ADGRD1: variants seen among roughly 807,000 people sequenced by gnomAD.
The protein encoded by ADGRD1 is G-protein coupled receptor 133.
ADGRD1 carries 77 observed loss-of-function variants against 113.4 expected under a neutral mutation model. The observed-to-expected ratio is 0.68, with a 90% CI of 0.57 to 0.82. The LOEUF is 0.82. ADGRD1 is among the 40% of genes least tolerant of loss of function. The pLI is 0.00. For missense variants in ADGRD1, 1,036 were observed against 1,139.1 expected (o/e 0.91, Z 1.30); for synonymous variants, 474 against 475.0 (o/e 1.00, Z 0.03).
chr12:131,068,228 C>T (rs1325291508), intron 13 of ADGRD1, among the ~76,000 whole-genome samples: 3 of 152,200 alleles, frequency 2.0e-5, no homozygotes, highest in African/African-American at 7.2e-5. Context: ...CTGCACACCT[C>T]AGCCTGCTCT....
intron 12 of ADGRD1, among the ~76,000 whole-genome samples, chr12:131,009,600 C>G (rs529250793): frequency 1.3e-5 from 2 of 152,134 alleles, no homozygotes; most frequent in Non-Finnish European, 2.9e-5. Context: ...TGCAACACAC[C>G]GCTAGTGCTT....
chr12:131,006,378 CTG>C (rs1219409160), intron 12 of ADGRD1, among the ~76,000 whole-genome samples: 2 of 152,246 alleles, frequency 1.3e-5, no homozygotes, highest in Non-Finnish European at 2.9e-5. Flanking sequence ...ACAGACCTGT[CTG>C]TGTCAGTCAT....
Position 130,985,896 on chromosome 12 carries a change from G to A in ADGRD1, c.491-1199G>A, listed in dbSNP as rs191343081. 1.8e-4 allele frequency among the ~76,000 whole-genome samples: 27 copies of A among 151,946 alleles called. No homozygotes were observed. The East Asian group carries it at 5.3e-3, about 30-fold the overall frequency. On this transcript the variant is annotated intron_variant, in intron 5 of 24. Coordinates refer to ENST00000261654, the MANE Select transcript of ADGRD1 (RefSeq NM_198827.5). The stretch of plus-strand genomic sequence containing the variant: ...GGAACGTGGATATTCAGTTGTTGCA[G>A]CACCATTTGTTGCAACAAATGGTTC...
At chr12:131,086,723 G>A (rs1413043649) in intron 15 of ADGRD1, among the ~76,000 whole-genome samples, 2 of 152,208 alleles carry the variant, frequency 1.3e-5, no homozygotes, top group African/African-American at 4.8e-5. Flanking sequence ...ACTGGCCGAC[G>A]GGCAGCTGCT....
intron 14 of ADGRD1, among the ~76,000 whole-genome samples, chr12:131,083,921 G>C (rs746774675): frequency 6.6e-6 from 1 of 152,210 alleles, no homozygotes; most frequent in South Asian, 2.1e-4. Context: ...CTCTGTGCCG[G>C]TCATAGCTGT....
intron 8 of ADGRD1, among the ~76,000 whole-genome samples, chr12:130,998,854 T>C (rs1351162713): frequency 1.3e-5 from 2 of 152,204 alleles, no homozygotes; most frequent in Admixed American, 1.3e-4. Context: ...TCCTGTACTG[T>C]ACCGTGAGGC....
intron 13 of ADGRD1, among the ~76,000 whole-genome samples, chr12:131,020,531 G>A (rs1424810753): frequency 2.6e-5 from 4 of 152,246 alleles, no homozygotes; most frequent in Non-Finnish European, 5.9e-5. Context: ...CGGAGGCACT[G>A]TTGGCAAAAG....
intron 13 of ADGRD1, among the ~76,000 whole-genome samples, chr12:131,051,059 C>A (rs1593124600): frequency 6.6e-6 from 1 of 152,236 alleles, no homozygotes; most frequent in Non-Finnish European, 1.5e-5. Context: ...GATCCAGTCA[C>A]CTCCCAGCAG....
intron 11 of ADGRD1, among the ~76,000 whole-genome samples, chr12:131,005,710 G>C (rs1339050299): frequency 6.6e-6 from 1 of 152,156 alleles, no homozygotes; most frequent in Non-Finnish European, 1.5e-5. Context: ...CCCTGGGTGA[G>C]CCTGGCCCTC....
Position 131,000,365 on chromosome 12 carries a change from C to A in ADGRD1, c.967-18C>A. The stretch of plus-strand genomic sequence containing the variant: ...CCTAAGGACAGGTGCTGAGCAGTGT[C>A]ATTTTGTCCACCTTTAGACCTTCTT... On this transcript the variant is annotated intron_variant, in intron 8 of 24. Transcript: ENST00000261654. 6.2e-7 allele frequency: 1 copy of A among 1,608,286 alleles called. No homozygotes were observed. The highest frequency in any genetic ancestry group is 8.5e-7 in the Non-Finnish European group (1 of 1,174,904).
In ADGRD1 at chr12:131,105,834, T is replaced by A; in HGVS notation, c.1856T>A (p.Leu619Gln). ...SFAVLVAQVL[L>Q]LISFRLEPGT... ...GCCGTGCTGGTGGCCCAGGTCCTGC[T>A]GCTCATTAGTTTCCGCCTCGAGCCG... The change falls in exon 17 of 25, where the codon CTG (leucine) becomes CAG (glutamine). Residue 619 changes from leucine to glutamine, a missense_variant. Physicochemically the swap from Leu to Gln is moderately radical, Grantham distance 113. Coordinates refer to ENST00000261654, the MANE Select transcript of ADGRD1 (RefSeq NM_198827.5). 6.2e-7 allele frequency: 1 copy of A among 1,600,428 alleles called. No homozygotes were observed. The highest frequency in any genetic ancestry group is 8.5e-7 in the Non-Finnish European group (1 of 1,179,844).
In ADGRD1 at chr12:131,060,003, T is replaced by G. The variant is rs2137079992; in HGVS notation, c.1474-16798T>G. The stretch of plus-strand genomic sequence containing the variant: ...TGACACTCTGGATCTTATTTAAATC[T>G]GTTTTAGCAGTCCTTCTCTGATACC... On this transcript the variant is annotated intron_variant, in intron 13 of 24. Transcript: ENST00000261654. This position sits in a 1 kb window ranked among gnomAD's most constrained non-coding sequence, Gnocchi z 4.4. Among the ~76,000 whole-genome samples the G allele has an allele frequency of 6.6e-6, 1 of 152,394 alleles. No individual in the cohort carries two copies. The highest frequency in any genetic ancestry group is 1.5e-5 in the Non-Finnish European group (1 of 68,044).
intron 14 of ADGRD1, among the ~76,000 whole-genome samples, chr12:131,080,842 G>A (rs868601744): frequency 6.6e-6 from 1 of 152,054 alleles, no homozygotes; most frequent in Non-Finnish European, 1.5e-5. Context: ...GGATGGTCTC[G>A]ATCTCCTGAC....
Position 131,036,590 on chromosome 12 carries a change from T to TCTCACTCACTGCACCGGGC in ADGRD1, c.1473+22260_1473+22278dup, listed in dbSNP as rs2136956117. On this transcript the variant is annotated intron_variant, in intron 13 of 24. Coordinates refer to ENST00000261654, the MANE Select transcript of ADGRD1 (RefSeq NM_198827.5). ...ATGGGGCCTCACTCACTACACCAGGTCTCACTCACTGCACCGGGCCTCACT... is the reference window on the plus strand; with the variant it reads ...ATGGGGCCTCACTCACTACACCAGGTCTCACTCACTGCACCGGGCCTCACTCACTGCACCGGGCCTCACT... 2.2e-5 allele frequency among the ~76,000 whole-genome samples: 2 copies of TCTCACTCACTGCACCGGGC among 92,238 alleles called. 1 individual carries two copies. The highest frequency in any genetic ancestry group is 8.5e-4 in the South Asian group (2 of 2,364). 60.5% of individuals were successfully genotyped at this position (92,238 alleles called of 152,430 possible).
intron 13 of ADGRD1, chr12:131,070,902 A>G (rs761331377): frequency 7.7e-6 from 4 of 519,052 alleles, no homozygotes; most frequent in East Asian, 5.4e-5. Flanking sequence ...TGAGTCTGCC[A>G]TCCAGGATGG....
chr12:130,960,566 A>AT (rs36014104), intron 2 of ADGRD1, among the ~76,000 whole-genome samples: 64,565 of 151,658 alleles, frequency 0.43, 13,805 homozygotes, highest in Middle Eastern at 0.56. Context: ...TTATTTATTT[A>AT]TTTTTGCATT....
intron 2 of ADGRD1, among the ~76,000 whole-genome samples, chr12:130,959,886 A>C (rs375390565): frequency 6.6e-6 from 1 of 152,306 alleles, no homozygotes; most frequent in South Asian, 2.1e-4. Context: ...AGAATGTCGT[A>C]GTTGAGGGAC....
chr12:131,104,724 C>T lies in ADGRD1; in HGVS notation c.1672-107C>T, dbSNP rs1593222370. 1.5e-5 allele frequency: 10 copies of T among 677,698 alleles called. No individual in the cohort carries two copies. In the South Asian group the frequency reaches 1.9e-4, roughly 13 times the overall value. 42.0% of individuals were successfully genotyped at this position (677,698 alleles called of 1,614,324 possible). On this transcript the variant is annotated intron_variant, in intron 15 of 24. Transcript: ENST00000261654. The stretch of plus-strand genomic sequence containing the variant: ...TGGGAGGCAGGCTTGGTGGTCAGCA[C>T]CACACTCACAGGGGACCAGCTGTGC...
At chr12:131,000,887 A>G (rs1876306192) in intron 9 of ADGRD1, among the ~76,000 whole-genome samples, 1 of 152,212 alleles carries the variant, frequency 6.6e-6, no homozygotes, top group Non-Finnish European at 1.5e-5. Flanking sequence ...TGTATCTCCC[A>G]GTCCTGACAT....
Sources: allele counts gnomAD v4.1 joint callset (sites outside exome capture counted in the v4.1 genomes callset), GRCh38; gene constraint gnomAD v4.1.1; non-coding constraint Gnocchi (gnomAD v3.1); transcripts MANE v1.5; gene names NCBI Gene and HGNC (gene_info 2026-07-23, HGNC 2026-07-21).